KIF4A: variants seen among roughly 807,000 people sequenced by gnomAD.
The protein encoded by KIF4A is kinesin family member 4A.
A neutral mutation model predicts 105.9 loss-of-function variants in KIF4A; 7 were observed. The ratio of observed to expected loss-of-function variants is 0.07; its 90% CI spans 0.04 to 0.12. The LOEUF is 0.12. Among genes scored for constraint, KIF4A ranks in the 10% least tolerant of loss-of-function variants. The probability of loss-of-function intolerance (pLI) is 1.00; values close to 1 mark genes in which losing one functional copy is unlikely to be tolerated. For synonymous variants in KIF4A, 281 were observed against 331.3 expected, an observed-to-expected ratio of 0.85 and a Z score of 1.65; for missense variants, 558 against 929.2, an observed-to-expected ratio of 0.60 and a Z score of 5.19.
intron 28 of KIF4A, chrX:70,415,607 CAAA>C: frequency 5.0e-5 from 4 of 80,580 alleles, no homozygotes; most frequent in Admixed American, 2.9e-4. Context: ...ACCCTGTCTC[CAAA>C]AAAAAAAAAA....
rs199676473 is a variant in KIF4A at position 70,357,798 on chromosome X, AT to A, written c.1674+4000del. 5.5e-5 allele frequency among the ~76,000 whole-genome samples: 6 copies of A among 109,703 alleles called. 1 individual carries two copies. In the South Asian group the frequency reaches 1.9e-3, roughly 35 times the overall value. ...ATTTTGGATTATTTGTTATAGACCT[AT>A]TTTTTTTTACTTTGGAAACTTTCAG... is the stretch of plus-strand genomic sequence containing the variant. On this transcript the variant is annotated intron_variant, in intron 15 of 30. Transcript: ENST00000374403.
At chrX:70,417,470 A>C (rs956843011) in intron 28 of KIF4A, among the ~76,000 whole-genome samples, 10 of 111,975 alleles carry the variant, frequency 8.9e-5, no homozygotes, top group African/African-American at 2.6e-4. Flanking sequence ...AGCATGGTGA[A>C]ACCCTGTCTC....
At chrX:70,301,779 A>T (rs373592690) in intron 5 of KIF4A, 121 bp from the exon 6 acceptor site, 5 of 732,416 alleles carry the variant, frequency 6.8e-6, no homozygotes, top group South Asian at 5.6e-5. Context: ...TATCACCATG[A>T]CTGTTCTATT....
At chrX:70,366,780 G>A (rs1350948757) in intron 15 of KIF4A, among the ~76,000 whole-genome samples, 1 of 111,507 alleles carries the variant, frequency 9.0e-6, no homozygotes, top group Non-Finnish European at 1.9e-5. Context: ...TTGGTGCAGA[G>A]CTGAGTTCAA....
chrX:70,290,637 G>A (rs2085755589), intron 2 of KIF4A, 54 bp from the exon 3 acceptor site: 1 of 1,203,850 alleles, frequency 8.3e-7, no homozygotes, highest in African/African-American at 1.8e-5. Context: ...GTAACGAGGG[G>A]TGTGGTCTTG....
intron 22 of KIF4A, among the ~76,000 whole-genome samples, chrX:70,399,567 G>A (rs1037798927): frequency 3.6e-5 from 4 of 110,049 alleles, no homozygotes; most frequent in African/African-American, 1.3e-4. Context: ...GAGTAATATT[G>A]TCCAAATGGC....
At position 70,420,826 on chromosome X, in the gene KIF4A, A is replaced by G. The variant is rs1471423541; in HGVS notation, c.*561A>G. ...TAAGTAAATAAACCTTAGCCCGTCT[A>G]CTGTTTGGGAAGATCCTTCTGTGCT... On this transcript the variant is annotated 3_prime_UTR_variant, in exon 31 of 31. Coordinates refer to ENST00000374403, the MANE Select transcript of KIF4A (RefSeq NM_012310.5). 1 of 113,668 alleles carries G rather than the reference A, an allele frequency of 8.8e-6. No individual in the cohort carries two copies. The highest frequency in any genetic ancestry group is 3.3e-5 in the African/African-American group (1 of 30,589). 9.4% of individuals were successfully genotyped at this position (113,668 alleles called of 1,213,427 possible).
intron 13 of KIF4A, among the ~76,000 whole-genome samples, chrX:70,345,427 G>A (rs2085988474): frequency 9.4e-6 from 1 of 105,926 alleles, no homozygotes; most frequent in African/African-American, 3.5e-5. Flanking sequence ...TTGTGCCACT[G>A]CACTCCAGCC....
intron 18 of KIF4A, among the ~76,000 whole-genome samples, chrX:70,380,069 G>A (rs2086191397): frequency 1.8e-5 from 2 of 111,944 alleles, no homozygotes; most frequent in Non-Finnish European, 3.8e-5. Flanking sequence ...TTGGAAAGCC[G>A]AGATGGGCAG....
At chrX:70,397,695 G>A (rs962753809) in intron 22 of KIF4A, among the ~76,000 whole-genome samples, 6 of 111,976 alleles carry the variant, frequency 5.4e-5, no homozygotes, top group African/African-American at 9.7e-5. Context: ...AGATTTTATC[G>A]TGTTTTAGGA....
intron 7 of KIF4A, among the ~76,000 whole-genome samples, chrX:70,320,593 A>G (rs1310677296): frequency 8.9e-6 from 1 of 112,065 alleles, no homozygotes; most frequent in Non-Finnish European, 1.9e-5. Context: ...AATATTGCAT[A>G]TTCTCATTCA....
intron 13 of KIF4A, among the ~76,000 whole-genome samples, chrX:70,351,616 T>G (rs947508504): frequency 1.8e-5 from 2 of 112,174 alleles, no homozygotes; most frequent in Non-Finnish European, 1.9e-5. Context: ...TGATTCCATA[T>G]CTTTATGATC....
At chrX:70,293,425 C>T (rs1025733729) in intron 3 of KIF4A, among the ~76,000 whole-genome samples, 3 of 112,090 alleles carry the variant, frequency 2.7e-5, no homozygotes, top group Non-Finnish European at 5.6e-5. Context: ...AGTAAATTTG[C>T]ATTTGTAGTT....
chrX:70,395,443 T>G (rs756116861), intron 20 of KIF4A, among the ~76,000 whole-genome samples: 1 of 111,995 alleles, frequency 8.9e-6, no homozygotes, highest in South Asian at 3.7e-4. Flanking sequence ...ACTAGGAATC[T>G]GGAGAAAGAT....
Position 70,343,695 on chromosome X carries a change from T to C in KIF4A, c.1267-8T>C. The C allele has an allele frequency of 8.3e-7, 1 of 1,210,711 alleles. No individual in the cohort carries two copies. The highest frequency in any genetic ancestry group is 1.1e-6 in the Non-Finnish European group (1 of 894,472). On this transcript the variant is annotated splice_region_variant and splice_polypyrimidine_tract_variant and intron_variant, in intron 11 of 30. Transcript: ENST00000374403. Reference sequence around the variant, plus strand: ...CGCCACTGATGATCTCCTGGGTCTTTGTTGCAGACAGAGCAAGCGAATGAA... The same window carrying C: ...CGCCACTGATGATCTCCTGGGTCTTCGTTGCAGACAGAGCAAGCGAATGAA...
chrX:70,305,079 G>A (rs1224071343), intron 7 of KIF4A, among the ~76,000 whole-genome samples: 4 of 111,393 alleles, frequency 3.6e-5, no homozygotes, highest in African/African-American at 6.5e-5. Flanking sequence ...AAATTTTCAC[G>A]TGGACAAAGG....
intron 15 of KIF4A, among the ~76,000 whole-genome samples, chrX:70,357,936 G>A (rs774732403): frequency 5.4e-5 from 6 of 110,785 alleles, no homozygotes; most frequent in African/African-American, 1.6e-4. Flanking sequence ...ATAGAGACAG[G>A]GTCTTGCTCT....
At chrX:70,364,319 C>T (rs1356129526) in intron 15 of KIF4A, among the ~76,000 whole-genome samples, 1 of 110,585 alleles carries the variant, frequency 9.0e-6, no homozygotes, top group Non-Finnish European at 1.9e-5. Flanking sequence ...TTTGCCCATG[C>T]CTGTGTCCTG....
chrX:70,320,952 A>G, intron 7 of KIF4A, among the ~76,000 whole-genome samples: 1 of 112,429 alleles, frequency 8.9e-6, no homozygotes, highest in Non-Finnish European at 1.9e-5. Context: ...ATAAATATGT[A>G]CAAATATTGT....
Sources: allele counts gnomAD v4.1 joint callset (sites outside exome capture counted in the v4.1 genomes callset), GRCh38; gene constraint gnomAD v4.1.1; transcripts MANE v1.5; gene names NCBI Gene and HGNC (gene_info 2026-07-23, HGNC 2026-07-21).